The following DOCK8 variants were observed in gnomAD, a reference collection of about 807,000 sequenced individuals.
The protein encoded by DOCK8 is dedicator of cytokinesis protein 8.
In DOCK8, 141 loss-of-function variants were observed where a neutral mutation model predicts 245.6. The ratio of observed to expected loss-of-function variants is 0.57; its 90% CI spans 0.50 to 0.66. DOCK8 has a LOEUF of 0.66. Ranked by LOEUF, DOCK8 falls within the 30% of genes least tolerant of loss-of-function variation. The pLI is 0.00. For missense variants in DOCK8, 2,965 were observed against 2,603.4 expected (o/e 1.14, Z -3.02); for synonymous variants, 1,168 against 970.2 (o/e 1.20, Z -3.79).
chr9:287,637 A>G (rs1193177881), intron 3 of DOCK8, among the ~76,000 whole-genome samples: 1 of 152,204 alleles, frequency 6.6e-6, no homozygotes, highest in Non-Finnish European at 1.5e-5. Flanking sequence ...CCTCACTCAC[A>G]TAGGAGAACT....
intron 46 of DOCK8, among the ~76,000 whole-genome samples, chr9:460,799 T>C (rs765765744): frequency 6.6e-6 from 1 of 152,266 alleles, no homozygotes; most frequent in African/African-American, 2.4e-5. Context: ...CCTCTTTGAC[T>C]GTCATCCTGA....
Position 464,325 on chromosome 9 carries a change from C to T in DOCK8, c.*106C>T. On this transcript the variant is annotated 3_prime_UTR_variant, in exon 48 of 48. Coordinates refer to ENST00000432829, the MANE Select transcript of DOCK8 (RefSeq NM_203447.4). The stretch of plus-strand genomic sequence containing the variant: ...TGCCACCCAGGACTGACTGTACACT[C>T]CCTGATCAGCCAGCACTCTGGAAGC... The T allele has an allele frequency of 1.1e-6, 1 of 932,634 alleles. No individual in the cohort carries two copies. The highest frequency in any genetic ancestry group is 1.3e-5 in the South Asian group (1 of 76,996). 57.8% of individuals were successfully genotyped at this position (932,634 alleles called of 1,614,324 possible).
intron 10 of DOCK8, among the ~76,000 whole-genome samples, chr9:333,591 ACT>A (rs1364576116): frequency 1.4e-5 from 2 of 140,012 alleles, no homozygotes; most frequent in Non-Finnish European, 3.1e-5. Context: ...ACAGAGTGAG[ACT>A]CTGTCTCAAA....
At chr9:243,357 C>T (rs7033418) in intron 1 of DOCK8, among the ~76,000 whole-genome samples, 1,945 of 152,250 alleles carry the variant, frequency 0.013, 53 homozygotes, top group African/African-American at 0.045. Context: ...AAACAGAACA[C>T]GGGTCACTGT....
chr9:412,611 A>G (rs2055793393), intron 28 of DOCK8, among the ~76,000 whole-genome samples: 1 of 152,164 alleles, frequency 6.6e-6, no homozygotes, highest in Non-Finnish European at 1.5e-5. Flanking sequence ...GTGTTTCTAT[A>G]CACTTACGAT....
chr9:326,888 G>A (rs1373739989), intron 8 of DOCK8, among the ~76,000 whole-genome samples: 1 of 152,214 alleles, frequency 6.6e-6, no homozygotes, highest in African/African-American at 2.4e-5. Flanking sequence ...GCTGGTAAAT[G>A]TAGTCTCTGC....
chr9:223,988 T>C (rs538946069), intron 1 of DOCK8, among the ~76,000 whole-genome samples: 3 of 152,160 alleles, frequency 2.0e-5, no homozygotes, highest in African/African-American at 2.4e-5. Flanking sequence ...AATAAAATAA[T>C]ATCAGCTTGA....
intron 14 of DOCK8, among the ~76,000 whole-genome samples, chr9:344,614 C>G (rs1198937488): frequency 1.3e-5 from 2 of 152,102 alleles, no homozygotes. Flanking sequence ...TGCCATCTCC[C>G]CATATCTCAA....
intron 44 of DOCK8, 100 bp from the exon 45 acceptor site, chr9:449,684 G>A: frequency 6.8e-7 from 1 of 1,475,350 alleles, no homozygotes; most frequent in Non-Finnish European, 9.4e-7. Flanking sequence ...TTCCCTAGCT[G>A]CCTCTTCAAA....
rs147327977 is a variant in DOCK8, at chr9:357,950, A to G, written c.1680-10068A>G. On this transcript the variant is annotated intron_variant, in intron 14 of 47. Transcript: ENST00000432829. ...CTTTGTGAATTTGCACTTTTATCTAACCTAAAACATTGGAAACAGGAATAA... is the reference window on the plus strand; with the variant it reads ...CTTTGTGAATTTGCACTTTTATCTAGCCTAAAACATTGGAAACAGGAATAA... Among the ~76,000 whole-genome samples the G allele has an allele frequency of 1.8e-4, 28 of 152,236 alleles. No individual in the cohort carries two copies. In the East Asian group the frequency reaches 5.2e-3, roughly 28 times the overall value.
At chr9:215,824 A>T (rs2046738373) in intron 1 of DOCK8, 1 of 171,468 alleles carries the variant, frequency 5.8e-6, no homozygotes, top group South Asian at 2.0e-4. Context: ...TCCACTAAAA[A>T]CTGCTGACAA....
At chr9:376,737 A>G (rs1198536935) in intron 19 of DOCK8, among the ~76,000 whole-genome samples, 1 of 152,192 alleles carries the variant, frequency 6.6e-6, no homozygotes, top group African/African-American at 2.4e-5. Context: ...TGCTTACAGA[A>G]CATGTCAGAG....
At chr9:218,855 A>C (rs2131328571) in intron 1 of DOCK8, among the ~76,000 whole-genome samples, 1 of 152,340 alleles carries the variant, frequency 6.6e-6, no homozygotes, top group African/African-American at 2.4e-5. Flanking sequence ...TCTATGTGGC[A>C]GAGACAGTTC....
intron 33 of DOCK8, 23 bp downstream of exon 33, chr9:422,158 G>A (rs950132163): frequency 5.6e-5 from 90 of 1,601,634 alleles, no homozygotes; most frequent in Non-Finnish European, 7.6e-5. Context: ...GCAACTTTCT[G>A]CTACTTTTAC....
At chr9:342,138 C>T (rs1375303709) in intron 14 of DOCK8, among the ~76,000 whole-genome samples, 2 of 151,806 alleles carry the variant, frequency 1.3e-5, no homozygotes, top group Non-Finnish European at 2.9e-5. Context: ...TTGAGTCATC[C>T]CAAAACCATC....
chr9:391,756 T>A (rs1474009094), intron 24 of DOCK8, among the ~76,000 whole-genome samples: 2 of 151,756 alleles, frequency 1.3e-5, no homozygotes, highest in Non-Finnish European at 2.9e-5. Flanking sequence ...TGGAGTAGGT[T>A]GAGATTTAGT....
chr9:220,424 G>A (rs151206292), intron 1 of DOCK8, among the ~76,000 whole-genome samples: 12 of 152,202 alleles, frequency 7.9e-5, no homozygotes, highest in Non-Finnish European at 1.6e-4. Context: ...ACATGTAGTT[G>A]CCCAGGGAAA....
chr9:357,672 T>A (rs2052510842), intron 14 of DOCK8, among the ~76,000 whole-genome samples: 1 of 152,170 alleles, frequency 6.6e-6, no homozygotes, highest in African/African-American at 2.4e-5. Context: ...TACCAGCGTT[T>A]ATGTGAAATA....
At chr9:392,329 C>T (rs2054238201) in intron 24 of DOCK8, among the ~76,000 whole-genome samples, 1 of 152,112 alleles carries the variant, frequency 6.6e-6, no homozygotes, top group Admixed American at 6.5e-5. Flanking sequence ...GAATAGAGTT[C>T]AGAAGAAGTC....
Sources: allele counts gnomAD v4.1 joint callset (sites outside exome capture counted in the v4.1 genomes callset), GRCh38; gene constraint gnomAD v4.1.1; transcripts MANE v1.5; gene names NCBI Gene and HGNC (gene_info 2026-07-23, HGNC 2026-07-21).